The following MMP26 variants were observed in gnomAD, a reference collection of about 807,000 sequenced individuals.
The protein encoded by MMP26 is matrix metallopeptidase 26.
Under a neutral mutation model 31.0 loss-of-function variants are expected in MMP26, and 33 were observed. The ratio of observed to expected loss-of-function variants is 1.06; its 90% CI spans 0.81 to 1.42. The LOEUF (loss-of-function observed/expected upper bound fraction) is 1.42, where lower values mean the gene tolerates loss of function less well. Among genes scored for constraint, MMP26 ranks in the 40% most tolerant of loss-of-function variants. MMP26 has a pLI of 0.00. For synonymous variants in MMP26, 122 were observed against 114.9 expected, an observed-to-expected ratio of 1.06 and a Z score of -0.40; for missense variants, 347 against 316.1, an observed-to-expected ratio of 1.10 and a Z score of -0.74.
At chr11:4,732,394 C>T (rs975540352) in intron 1 of MMP26, among the ~76,000 whole-genome samples, 1 of 151,794 alleles carries the variant, frequency 6.6e-6, no homozygotes, top group Non-Finnish European at 1.5e-5. Context: ...TTTTTTAATA[C>T]AATAGTTTTT....
intron 1 of MMP26, among the ~76,000 whole-genome samples, chr11:4,720,794 T>G (rs1848000681): frequency 6.6e-6 from 1 of 152,190 alleles, no homozygotes; most frequent in Non-Finnish European, 1.5e-5. Flanking sequence ...GAAAGGGGAC[T>G]TCCCCGCTCG....
chr11:4,911,736 C>T (rs1850994827), intron 2 of MMP26, among the ~76,000 whole-genome samples: 1 of 152,156 alleles, frequency 6.6e-6, no homozygotes, highest in Non-Finnish European at 1.5e-5. Flanking sequence ...CCTGCTCACC[C>T]ATTCAATCGC....
At chr11:4,965,976 AT>A (rs1302012721) in intron 2 of MMP26, among the ~76,000 whole-genome samples, 1 of 152,136 alleles carries the variant, frequency 6.6e-6, no homozygotes, top group African/African-American at 2.4e-5. Flanking sequence ...TCTTTAATGG[AT>A]TTTTTATACC....
At chr11:4,830,954 G>C (rs1431395939) in intron 2 of MMP26, among the ~76,000 whole-genome samples, 1 of 152,174 alleles carries the variant, frequency 6.6e-6, no homozygotes, top group Non-Finnish European at 1.5e-5. Flanking sequence ...ACTTTAAACA[G>C]GTACAAATGG....
chr11:4,959,060 A>T (rs1299041909), intron 2 of MMP26, among the ~76,000 whole-genome samples: 1 of 151,870 alleles, frequency 6.6e-6, no homozygotes, highest in East Asian at 1.9e-4. Flanking sequence ...AACACGGTGA[A>T]ACCCAGTCTC....
At chr11:4,969,939 G>A (rs1241560373) in intron 2 of MMP26, among the ~76,000 whole-genome samples, 2 of 151,924 alleles carry the variant, frequency 1.3e-5, no homozygotes, top group East Asian at 1.9e-4. Flanking sequence ...TCATTTACAG[G>A]CACTCACTAA....
chr11:4,904,568 GTATGATT>G (rs1428128742), intron 2 of MMP26, among the ~76,000 whole-genome samples: 4 of 151,946 alleles, frequency 2.6e-5, no homozygotes, highest in Non-Finnish European at 2.9e-5. Flanking sequence ...CATTTTTACT[GTATGATT>G]TCATTTACTC....
intron 2 of MMP26, among the ~76,000 whole-genome samples, chr11:4,963,834 CG>C (rs1846554328): frequency 6.6e-6 from 1 of 151,862 alleles, no homozygotes; most frequent in Admixed American, 6.6e-5. Context: ...GGCATCTCAT[CG>C]TGGTTTTGAT....
intron 2 of MMP26, chr11:4,859,827 G>T: frequency 2.1e-6 from 1 of 471,474 alleles, no homozygotes; most frequent in Non-Finnish European, 4.4e-6. Context: ...CGGTAGACAT[G>T]TGAGAGAGGC....
At chr11:4,838,331 A>G in intron 2 of MMP26, among the ~76,000 whole-genome samples, 1 of 109,538 alleles carries the variant, frequency 9.1e-6, no homozygotes, top group Admixed American at 8.1e-5. Context: ...AAAAAAAAAA[A>G]AAAAAAAAAA....
In MMP26 at chr11:4,761,558, C is replaced by T. The variant is rs149709818; in HGVS notation, c.-216-5712C>T. Among the ~76,000 whole-genome samples, 1,439 of 152,200 alleles carry T rather than the reference C, an allele frequency of 9.5e-3. 17 individuals are homozygous for T. Among genetic ancestry groups the T allele is most frequent in the Non-Finnish European group, 0.013 (878 of 68,020 alleles). ...GTTAGCTAGCATCAGGAAATTTGGACGCTTAAGTGGAGAAAAATCACATCA... is the reference window on the plus strand; with the variant it reads ...GTTAGCTAGCATCAGGAAATTTGGATGCTTAAGTGGAGAAAAATCACATCA... On this transcript the variant is annotated intron_variant, in intron 1 of 7. Coordinates refer to ENST00000380390, the MANE Select transcript of MMP26 (RefSeq NM_021801.5).
chr11:4,727,431 AAG>A (rs1848115612), intron 1 of MMP26, among the ~76,000 whole-genome samples: 1 of 152,218 alleles, frequency 6.6e-6, no homozygotes, highest in Admixed American at 6.5e-5. Flanking sequence ...ATTATTTAAA[AAG>A]AAATTTTTAT....
chr11:4,976,288 A>T (rs1846734842), intron 2 of MMP26, among the ~76,000 whole-genome samples: 1 of 152,100 alleles, frequency 6.6e-6, no homozygotes, highest in African/African-American at 2.4e-5. Flanking sequence ...TAAGGTTATC[A>T]TGTTCTTTAT....
chr11:4,794,775 C>A (rs1849082643), intron 2 of MMP26: 1 of 152,184 alleles, frequency 6.6e-6, no homozygotes, highest in South Asian at 2.1e-4. Flanking sequence ...AAGCAGAGGC[C>A]TAGAGTATCC....
chr11:4,910,583 A>G (rs1427054553), intron 2 of MMP26, among the ~76,000 whole-genome samples: 1 of 152,138 alleles, frequency 6.6e-6, no homozygotes, highest in Non-Finnish European at 1.5e-5. Context: ...CTCCAAGTAC[A>G]ACAAACTTAT....
At chr11:4,705,898 G>A (rs1589879163) in intron 1 of MMP26, among the ~76,000 whole-genome samples, 1 of 141,424 alleles carries the variant, frequency 7.1e-6, no homozygotes, top group African/African-American at 2.6e-5. Flanking sequence ...TGAGGCAAGG[G>A]AATTGCTTGA....
intron 2 of MMP26, among the ~76,000 whole-genome samples, chr11:4,795,840 G>A (rs952749193): frequency 8.6e-5 from 12 of 139,674 alleles, no homozygotes; most frequent in Admixed American, 7.1e-5. Flanking sequence ...AAGAGAGAGA[G>A]AGGGAGAGAG....
At chr11:4,925,954 T>G (rs1237668375) in intron 2 of MMP26, among the ~76,000 whole-genome samples, 1 of 152,136 alleles carries the variant, frequency 6.6e-6, no homozygotes, top group Non-Finnish European at 1.5e-5. Context: ...TTATATTCTG[T>G]GCCATTTCCC....
chr11:4,744,915 TAAG>T (rs1181890724), intron 1 of MMP26, among the ~76,000 whole-genome samples: 3 of 152,260 alleles, frequency 2.0e-5, no homozygotes, highest in Non-Finnish European at 2.9e-5. Flanking sequence ...TATTTTGTGA[TAAG>T]AAGATTTAAT....
Sources: gnomAD v4.1 joint callset for allele counts (sites outside exome capture counted in the v4.1 genomes callset) on GRCh38, gnomAD v4.1.1 for gene constraint, MANE v1.5 for transcripts, NCBI Gene and HGNC (gene_info 2026-07-23, HGNC 2026-07-21) for gene names.